MAP2: variants seen among roughly 807,000 people sequenced by gnomAD.
The protein encoded by MAP2 is microtubule associated protein 2.
MAP2 carries 14 observed loss-of-function variants against 137.6 expected under a neutral mutation model. The ratio of observed to expected loss-of-function variants is 0.10; its 90% CI spans 0.07 to 0.16. The LOEUF (loss-of-function observed/expected upper bound fraction) is 0.16. Among genes scored for constraint, MAP2 ranks in the 10% least tolerant of loss-of-function variants. The pLI is 1.00. For synonymous variants in MAP2, 786 were observed against 782.3 expected (o/e 1.00, Z -0.08); for missense variants, 2,088 against 2,191.5 (o/e 0.95, Z 0.94).
chr2:209,460,697 T>C (rs1437035947), intron 1 of MAP2, among the ~76,000 whole-genome samples: 1 of 152,086 alleles, frequency 6.6e-6, no homozygotes, highest in East Asian at 1.9e-4. Context: ...CTCTTTCTTC[T>C]GTTTGTGGTA....
At position 209,693,791 on chromosome 2, in the gene MAP2, G is replaced by A. The variant is rs2059542442; in HGVS notation, c.1621G>A (p.Val541Ile). ...SSIQELFEMR[V>I]DDKDKIEGVG... is the part of the protein sequence containing the mutation. ...AATTCAGGAACTTTTTGAAATGAGA[G>A]TTGATGACAAAGATAAGATTGAAGG... Residue 541 changes from valine to isoleucine, a missense_variant, in exon 8 of 16, where the codon GTT (valine) becomes ATT (isoleucine). Val to Ile is a conservative substitution (Grantham distance 29). Around this residue, in one of 6 missense-constraint regions of MAP2, gnomAD observed 859 missense variants for 794.5 expected, o/e 1.08. Transcript: ENST00000682079. 6.2e-7 allele frequency: 1 copy of A among 1,613,902 alleles called. No individual in the cohort carries two copies. The highest frequency in any genetic ancestry group is 1.1e-5 in the South Asian group (1 of 91,052).
At chr2:209,497,470 C>T (rs1277804368) in intron 1 of MAP2, among the ~76,000 whole-genome samples, 2 of 152,170 alleles carry the variant, frequency 1.3e-5, no homozygotes, top group East Asian at 3.9e-4. Flanking sequence ...AGCCACATGT[C>T]TAGGGCATTT....
At chr2:209,698,170 T>C (rs1219381503) in intron 10 of MAP2, among the ~76,000 whole-genome samples, 1 of 152,108 alleles carries the variant, frequency 6.6e-6, no homozygotes, top group Non-Finnish European at 1.5e-5. Context: ...ATTACTCTTC[T>C]TCAAATACAT....
At chr2:209,609,061 G>T (rs2085849994) in intron 3 of MAP2, among the ~76,000 whole-genome samples, 2 of 151,816 alleles carry the variant, frequency 1.3e-5, no homozygotes, top group Non-Finnish European at 2.9e-5. Context: ...TACCATCCCA[G>T]ATTTGATTAT....
At chr2:209,669,679 C>A (rs1292029032) in intron 5 of MAP2, among the ~76,000 whole-genome samples, 1 of 151,852 alleles carries the variant, frequency 6.6e-6, no homozygotes, top group African/African-American at 2.4e-5. Flanking sequence ...AAACCCTAGC[C>A]TTGCTCCTTG....
intron 3 of MAP2, among the ~76,000 whole-genome samples, chr2:209,604,596 T>C (rs932729966): frequency 2.0e-5 from 3 of 152,184 alleles, no homozygotes; most frequent in Non-Finnish European, 4.4e-5. Flanking sequence ...GTAAAACAGT[T>C]TTTGGTATTT....
intron 5 of MAP2, among the ~76,000 whole-genome samples, chr2:209,668,237 G>A (rs2047200283): frequency 6.6e-6 from 1 of 152,022 alleles, no homozygotes; most frequent in African/African-American, 2.4e-5. Flanking sequence ...TGCTTTGAAG[G>A]TATTTCTAGA....
Position 209,458,179 on chromosome 2 carries a change from A to G in MAP2, c.-222+33903A>G, listed in dbSNP as rs567213505. 2.0e-5 allele frequency among the ~76,000 whole-genome samples: 3 copies of G among 152,280 alleles called. No homozygotes were observed. In the East Asian group the frequency reaches 5.8e-4, roughly 29 times the overall value. ...AAAGGCTTGGCTATACTCCCAGAACAGGAGATTCCCCAGTGAGAAACCACC... is the reference window on the plus strand; with the variant it reads ...AAAGGCTTGGCTATACTCCCAGAACGGGAGATTCCCCAGTGAGAAACCACC... On this transcript the variant is annotated intron_variant, in intron 1 of 15. Transcript: ENST00000682079.
chr2:209,704,628 G>A (rs374319607), intron 11 of MAP2: 41 of 1,581,894 alleles, frequency 2.6e-5, no homozygotes, highest in South Asian at 5.9e-5. Flanking sequence ...AAGGTAAGGC[G>A]GCAGGTCAAT....
chr2:209,438,034 G>T (rs1178116964), intron 1 of MAP2, among the ~76,000 whole-genome samples: 1 of 151,564 alleles, frequency 6.6e-6, no homozygotes, highest in Non-Finnish European at 1.5e-5. Flanking sequence ...CAATTGCAAG[G>T]AAAGTACAAT....
chr2:209,581,184 T>A (rs891259176), intron 3 of MAP2, among the ~76,000 whole-genome samples: 2 of 152,202 alleles, frequency 1.3e-5, no homozygotes, highest in Non-Finnish European at 2.9e-5. Flanking sequence ...CTGCAATGTA[T>A]AATCATGAGA....
chr2:209,705,741 G>T lies in MAP2; in HGVS notation c.4732+14G>T, dbSNP rs993715293. 10 of 1,607,300 alleles carry T rather than the reference G, an allele frequency of 6.2e-6. No individual in the cohort carries two copies. The highest frequency in any genetic ancestry group is 2.2e-5 in the East Asian group (1 of 44,642). ...GGCGGACCACCAGTAGGTTTATTTT[G>T]ATTTGAATTCCTTTTTAAGCACTTT... On this transcript the variant is annotated intron_variant, in intron 12 of 15. Coordinates refer to ENST00000682079, the MANE Select transcript of MAP2 (RefSeq NM_001375505.1).
intron 1 of MAP2, among the ~76,000 whole-genome samples, chr2:209,459,477 G>A (rs900067315): frequency 1.3e-5 from 2 of 152,006 alleles, no homozygotes; most frequent in African/African-American, 4.8e-5. Flanking sequence ...ACGAAGCCTG[G>A]CCTAAAGTTA....
At chr2:209,721,452 A>G (rs2070897600) in intron 13 of MAP2, among the ~76,000 whole-genome samples, 1 of 152,252 alleles carries the variant, frequency 6.6e-6, no homozygotes. Flanking sequence ...TCTACCTGCA[A>G]GAGAGGCAAG....
intron 7 of MAP2, among the ~76,000 whole-genome samples, chr2:209,687,561 C>T (rs144144219): frequency 9.0e-4 from 137 of 152,272 alleles, no homozygotes; most frequent in African/African-American, 3.2e-3. Flanking sequence ...CACTGTCTCC[C>T]ATCCTCCATC....
At chr2:209,527,020 G>A (rs536399748) in intron 2 of MAP2, among the ~76,000 whole-genome samples, 2 of 152,176 alleles carry the variant, frequency 1.3e-5, no homozygotes, top group East Asian at 3.9e-4. Context: ...AGAGCTCCAG[G>A]CAGATGGACT....
intron 2 of MAP2, among the ~76,000 whole-genome samples, chr2:209,544,267 T>C (rs1211370419): frequency 6.6e-6 from 1 of 151,986 alleles, no homozygotes; most frequent in Non-Finnish European, 1.5e-5. Context: ...AAACAACCTT[T>C]TTAGTTTTTG....
rs1003523151 is a variant in MAP2, at chr2:209,500,407, G to C, written c.-221-7185G>C. ...GATTCTTCTGTTACTTTGTTTCTGT[G>C]TTGTCCTGTCCATTGTCTGAATTGC... On this transcript the variant is annotated intron_variant, in intron 1 of 15. Transcript: ENST00000682079. Among the ~76,000 whole-genome samples the C allele has an allele frequency of 2.6e-5, 4 of 152,088 alleles. No individual in the cohort carries two copies. In the East Asian group the frequency reaches 5.8e-4, roughly 22 times the overall value.
intron 2 of MAP2, among the ~76,000 whole-genome samples, chr2:209,570,328 T>A (rs2074185191): frequency 6.6e-6 from 1 of 152,022 alleles, no homozygotes. Context: ...AATTACAAAC[T>A]AATTAGCTGA....
Sources: gnomAD v4.1 joint callset for allele counts (sites outside exome capture counted in the v4.1 genomes callset) on GRCh38, gnomAD v4.1.1 for gene constraint, gnomAD v4.1.1 regional missense constraint, MANE v1.5 for transcripts, NCBI Gene and HGNC (gene_info 2026-07-23, HGNC 2026-07-21) for gene names.